LAMB1: variants seen among roughly 807,000 people sequenced by gnomAD.
The protein encoded by LAMB1 is laminin subunit beta-1.
In LAMB1, 121 loss-of-function variants were observed where a neutral mutation model predicts 222.3. That is an observed-to-expected ratio of 0.54 (90% confidence interval 0.47 to 0.63). The LOEUF (loss-of-function observed/expected upper bound fraction) is 0.63. LAMB1 is among the 30% of genes least tolerant of loss of function. The pLI is 0.00. For missense variants in LAMB1, 2,172 were observed against 2,240.8 expected (o/e 0.97, Z 0.62); for synonymous variants, 794 against 807.2 (o/e 0.98, Z 0.28).
At chr7:107,996,735 A>T (rs944582874) in intron 4 of LAMB1, among the ~76,000 whole-genome samples, 1 of 152,190 alleles carries the variant, frequency 6.6e-6, no homozygotes, top group Non-Finnish European at 1.5e-5. Context: ...AACTCGACAT[A>T]ACTAAGAAAA....
intron 5 of LAMB1, among the ~76,000 whole-genome samples, chr7:107,994,478 G>C: frequency 6.6e-6 from 1 of 152,176 alleles, no homozygotes; most frequent in Middle Eastern, 3.4e-3. Context: ...CTCACAAATT[G>C]TGCAAAACTC....
chr7:107,966,499 A>G (rs1273470037), intron 13 of LAMB1, among the ~76,000 whole-genome samples: 2 of 152,066 alleles, frequency 1.3e-5, no homozygotes, highest in African/African-American at 4.8e-5. Context: ...GTAAGCCACC[A>G]CGCCCAGCCA....
chr7:107,945,381 C>T (rs1014925483), intron 24 of LAMB1, among the ~76,000 whole-genome samples: 3 of 152,210 alleles, frequency 2.0e-5, no homozygotes, highest in South Asian at 2.1e-4. Context: ...TCTCCTCCTC[C>T]AGACCTTCCT....
intron 2 of LAMB1, chr7:108,002,233 G>T (rs566078982): frequency 7.5e-7 from 1 of 1,333,920 alleles, no homozygotes; most frequent in East Asian, 4.9e-5. Flanking sequence ...GCGTGCACGC[G>T]CGAGGGTCAC....
intron 29 of LAMB1, 93 bp from the exon 30 acceptor site, chr7:107,929,712 T>C (rs2032660147): frequency 2.0e-6 from 2 of 999,636 alleles, no homozygotes; most frequent in South Asian, 2.8e-5. Flanking sequence ...TGGACTAGCA[T>C]GGTGGGGTTA....
chr7:107,968,530 C>T (rs1462672887), intron 13 of LAMB1, among the ~76,000 whole-genome samples: 1 of 151,950 alleles, frequency 6.6e-6, no homozygotes, highest in African/African-American at 2.4e-5. Context: ...CTGGGTGGGT[C>T]CAATCTAATC....
chr7:107,996,131 G>A (rs868829312), intron 4 of LAMB1, among the ~76,000 whole-genome samples: 7 of 152,044 alleles, frequency 4.6e-5, no homozygotes, highest in African/African-American at 1.7e-4. Context: ...CCTCTTCCAG[G>A]CTTTTAAAAA....
intron 7 of LAMB1, among the ~76,000 whole-genome samples, chr7:107,984,706 T>C (rs2034040608): frequency 6.6e-6 from 1 of 152,226 alleles, no homozygotes; most frequent in South Asian, 2.1e-4. Flanking sequence ...CAAGTAAATA[T>C]AAATGACACT....
intron 2 of LAMB1, 81 bp downstream of exon 2, chr7:108,002,768 G>A: frequency 6.3e-7 from 1 of 1,589,138 alleles, no homozygotes; most frequent in African/African-American, 1.3e-5. Flanking sequence ...AGGATCCCAC[G>A]AAGGTGAGCA....
Position 107,923,934 on chromosome 7 carries a change from T to TTTTTTATTCTCCTCTGTTACAAGCATG in LAMB1, c.5351_*16dup, listed in dbSNP as rs1368827749. 6 of 1,596,282 alleles carry TTTTTTATTCTCCTCTGTTACAAGCATG rather than the reference T, an allele frequency of 3.8e-6. No homozygotes were observed. On this transcript the variant is annotated 3_prime_UTR_variant, in exon 34 of 34. Transcript: ENST00000222399. ...TGTTTTACCTTGTTCACCTCAGCCATTTTTTATTCTCCTCTGTTACAAGCA... is the reference window on the plus strand; with the variant it reads ...TGTTTTACCTTGTTCACCTCAGCCATTTTTTATTCTCCTCTGTTACAAGCATGTTTTTATTCTCCTCTGTTACAAGCA...
At chr7:107,924,137 A>C (rs1240168564) in intron 33 of LAMB1, 50 bp from the exon 34 acceptor site, 16 of 1,522,734 alleles carry the variant, frequency 1.1e-5, no homozygotes, top group Non-Finnish European at 1.3e-5. Context: ...TACTATGATG[A>C]TCTCAAGACA....
rs1356408769 is a variant in LAMB1 at position 107,926,294 on chromosome 7, T to C, written c.4953A>G (p.Leu1651=). The C allele has an allele frequency of 6.2e-7, 1 of 1,613,964 alleles. No homozygotes were observed. The highest frequency in any genetic ancestry group is 1.1e-5 in the South Asian group (1 of 91,082). ...GCTTAAGTTCTTCCACATTCCTCTC[T>C]AACTCGCTGATGCGCTGGGACGCGT... ...LFNASQRISE[L]ERNVEELKRK... Residue 1651 remains leucine (L), a synonymous_variant, in exon 32 of 34, where the codon TTA becomes TTG. Transcript: ENST00000222399.
chr7:107,993,574 T>G (rs755454715), intron 5 of LAMB1, among the ~76,000 whole-genome samples: 2 of 152,232 alleles, frequency 1.3e-5, no homozygotes, highest in Non-Finnish European at 2.9e-5. Flanking sequence ...CTAAAGGATT[T>G]TGGATCTAGA....
chr7:107,971,715 A>G (rs936971729), intron 13 of LAMB1, among the ~76,000 whole-genome samples: 10 of 152,138 alleles, frequency 6.6e-5, no homozygotes, highest in Admixed American at 2.0e-4. Context: ...GGTTTTTATA[A>G]ATTTTTGCAC....
chr7:107,982,664 T>C (rs963313583), intron 7 of LAMB1, among the ~76,000 whole-genome samples: 13 of 152,094 alleles, frequency 8.5e-5, no homozygotes, highest in African/African-American at 3.1e-4. Flanking sequence ...AACTGACCTT[T>C]GTGGAAACCC....
chr7:107,986,448 C>G lies in LAMB1; in HGVS notation c.424-85G>C, dbSNP rs999974288. 29 of 1,109,916 alleles carry G rather than the reference C, an allele frequency of 2.6e-5. No individual in the cohort carries two copies. In the East Asian group the frequency reaches 4.2e-4, roughly 16 times the overall value. The allele number at this position is 1,109,916 out of a possible 1,614,324, so 68.8% of individuals were successfully genotyped here. On this transcript the variant is annotated intron_variant, in intron 5 of 33. Coordinates refer to ENST00000222399, the MANE Select transcript of LAMB1 (RefSeq NM_002291.3). ...AATCTCAGGTAAAAATGTCACTCAA[C>G]TGCATGCCACAAACTTGAACTGCAT...
In LAMB1 at chr7:107,980,580, G is replaced by A. The variant is rs373278683; in HGVS notation, c.879+29C>T. Reference sequence around the variant, plus strand: ...TGCATTTTATTACCAGCCACATAAAGGAGAAAGGTGCACAGAGGGCTTACT... The same window carrying A: ...TGCATTTTATTACCAGCCACATAAAAGAGAAAGGTGCACAGAGGGCTTACT... On this transcript the variant is annotated intron_variant, in intron 8 of 33. Coordinates refer to ENST00000222399, the MANE Select transcript of LAMB1 (RefSeq NM_002291.3). The A allele has an allele frequency of 7.0e-6, 11 of 1,560,760 alleles. No homozygotes were observed. In the African/African-American group the frequency reaches 8.1e-5, roughly 12 times the overall value.
intron 13 of LAMB1, among the ~76,000 whole-genome samples, chr7:107,965,110 G>T (rs1412935301): frequency 6.6e-6 from 1 of 152,176 alleles, no homozygotes; most frequent in African/African-American, 2.4e-5. Context: ...CAATCCCTCG[G>T]ATGGTCTCTA....
chr7:107,994,195 T>C (rs1387358467), intron 5 of LAMB1, among the ~76,000 whole-genome samples: 3 of 152,220 alleles, frequency 2.0e-5, no homozygotes, highest in Non-Finnish European at 2.9e-5. Context: ...GCCTGTCATT[T>C]CCAGGCAGCT....
Sources: gnomAD v4.1 joint callset for allele counts (sites outside exome capture counted in the v4.1 genomes callset) on GRCh38, gnomAD v4.1.1 for gene constraint, MANE v1.5 for transcripts, NCBI Gene and HGNC (gene_info 2026-07-23, HGNC 2026-07-21) for gene names.